RASGRP3: variants seen among roughly 807,000 people sequenced by gnomAD.
The protein encoded by RASGRP3 is RAS guanyl releasing protein 3.
In RASGRP3, 54 loss-of-function variants were observed where a neutral mutation model predicts 82.7. The ratio of observed to expected loss-of-function variants is 0.65; its 90% confidence interval spans 0.52 to 0.82. The LOEUF (loss-of-function observed/expected upper bound fraction) is 0.82, where lower values mean the gene tolerates loss of function less well. Ranked by LOEUF, RASGRP3 falls within the 40% of genes least tolerant of loss-of-function variation. RASGRP3 has a pLI of 0.00. For synonymous variants in RASGRP3, 309 were observed against 300.5 expected, an observed-to-expected ratio of 1.03 and a Z score of -0.29; for missense variants, 861 against 828.9, an observed-to-expected ratio of 1.04 and a Z score of -0.48.
intron 1 of RASGRP3, among the ~76,000 whole-genome samples, chr2:33,507,772 C>T (rs1264766505): frequency 2.0e-5 from 3 of 152,144 alleles, no homozygotes; most frequent in Admixed American, 6.5e-5. Context: ...GTGATCCACC[C>T]GCCACAGCCT....
intron 1 of RASGRP3, among the ~76,000 whole-genome samples, chr2:33,446,469 A>AC (rs1553333122): frequency 7.3e-6 from 1 of 136,082 alleles, no homozygotes; most frequent in African/African-American, 2.8e-5. Flanking sequence ...AAGTAGGGCA[A>AC]TTTTTTTTGG....
chr2:33,498,929 A>G (rs1669591359), intron 1 of RASGRP3, among the ~76,000 whole-genome samples: 1 of 152,168 alleles, frequency 6.6e-6, no homozygotes, highest in East Asian at 1.9e-4. Flanking sequence ...ATAAGTGTTT[A>G]TTCAACAGAC....
intron 2 of RASGRP3, among the ~76,000 whole-genome samples, chr2:33,460,229 T>A (rs1000657407): frequency 6.6e-6 from 1 of 152,148 alleles, no homozygotes; most frequent in Non-Finnish European, 1.5e-5. Flanking sequence ...ATCTATATGA[T>A]TGACTTTGGA....
At chr2:33,486,607 A>G (rs957737478) in intron 1 of RASGRP3, among the ~76,000 whole-genome samples, 1 of 152,262 alleles carries the variant, frequency 6.6e-6, no homozygotes, top group Admixed American at 6.5e-5. Context: ...CTTACAATAC[A>G]TAAATGTATA....
intron 1 of RASGRP3, among the ~76,000 whole-genome samples, chr2:33,505,135 C>CCATCAT (rs762191069): frequency 6.7e-6 from 1 of 148,548 alleles, no homozygotes; most frequent in Non-Finnish European, 1.5e-5. Flanking sequence ...CATATCATCA[C>CCATCAT]CATCATCATC....
chr2:33,525,935 A>T (rs1672519049), intron 9 of RASGRP3, among the ~76,000 whole-genome samples: 1 of 152,188 alleles, frequency 6.6e-6, no homozygotes, highest in Non-Finnish European at 1.5e-5. Context: ...GCCTCTGAAT[A>T]TCGGAGAGTT....
chr2:33,453,621 C>A (rs73926650), intron 2 of RASGRP3, among the ~76,000 whole-genome samples: 1,893 of 152,204 alleles, frequency 0.012, 37 homozygotes, highest in African/African-American at 0.044. Context: ...TTTTTTATGA[C>A]CTTGCCTTGG....
At chr2:33,558,414 G>A in intron 16 of RASGRP3, 78 bp downstream of exon 16, 1 of 1,601,320 alleles carries the variant, frequency 6.2e-7, no homozygotes, top group African/African-American at 1.3e-5. Flanking sequence ...TTAGGTTCTG[G>A]GTCTAAACCC....
chr2:33,549,073 T>C (rs1470536919), intron 13 of RASGRP3, among the ~76,000 whole-genome samples: 1 of 152,096 alleles, frequency 6.6e-6, no homozygotes, highest in Non-Finnish European at 1.5e-5. Flanking sequence ...GTTTGTTCTG[T>C]GTGGAGTAGA....
intron 13 of RASGRP3, 118 bp downstream of exon 13, chr2:33,543,745 T>C: frequency 1.5e-6 from 1 of 682,828 alleles, no homozygotes; most frequent in Non-Finnish European, 2.5e-6. Flanking sequence ...GGTGCTTTGA[T>C]GAGCCAGGTT....
At chr2:33,450,164 A>G (rs555057356) in intron 2 of RASGRP3, among the ~76,000 whole-genome samples, 2 of 152,344 alleles carry the variant, frequency 1.3e-5, no homozygotes, top group African/African-American at 4.8e-5. Flanking sequence ...TGATGTTTTG[A>G]TATATGTATA....
At chr2:33,518,802 A>C (rs1433119768) in intron 4 of RASGRP3, among the ~76,000 whole-genome samples, 1 of 152,186 alleles carries the variant, frequency 6.6e-6, no homozygotes, top group Non-Finnish European at 1.5e-5. Flanking sequence ...GCTCAGGATC[A>C]TCAATATCAC....
At chr2:33,437,083 A>C (rs921335180) in intron 1 of RASGRP3, among the ~76,000 whole-genome samples, 5 of 152,216 alleles carry the variant, frequency 3.3e-5, no homozygotes, top group African/African-American at 7.2e-5. Context: ...AACAAATTTT[A>C]ATACAGGTTT....
At chr2:33,472,512 G>A (rs536386961), upstream of RASGRP3, among the ~76,000 whole-genome samples, 27 of 152,236 alleles carry the variant, frequency 1.8e-4, no homozygotes, top group African/African-American at 6.3e-4. Flanking sequence ...TATGAGGGGC[G>A]GTAAGAGTGC....
intron 2 of RASGRP3, among the ~76,000 whole-genome samples, chr2:33,470,528 C>T (rs11124318): frequency 0.82 from 124,039 of 151,566 alleles, 50,858 homozygotes; most frequent in South Asian, 0.88. Flanking sequence ...TACAGGCGCC[C>T]GCCACCATGC....
At chr2:33,535,831 C>T (rs1673548539) in intron 11 of RASGRP3, among the ~76,000 whole-genome samples, 2 of 152,178 alleles carry the variant, frequency 1.3e-5, no homozygotes. Flanking sequence ...AATTTGTAAG[C>T]CCCTCCCTAA....
At chr2:33,529,977 AAGTTT>A (rs1672953878) in intron 10 of RASGRP3, among the ~76,000 whole-genome samples, 1 of 152,176 alleles carries the variant, frequency 6.6e-6, no homozygotes, top group Non-Finnish European at 1.5e-5. Context: ...GCCAAGAAGA[AAGTTT>A]AGTGCATAGC....
At chr2:33,486,631 A>G (rs1668422104) in intron 1 of RASGRP3, among the ~76,000 whole-genome samples, 1 of 152,366 alleles carries the variant, frequency 6.6e-6, no homozygotes, top group African/African-American at 2.4e-5. Flanking sequence ...TGTAAAAGAG[A>G]ATGTTTCCAA....
chr2:33,537,323 G>GC (rs796724209), intron 11 of RASGRP3, among the ~76,000 whole-genome samples: 9 of 106,072 alleles, frequency 8.5e-5, no homozygotes, highest in East Asian at 4.0e-4. Flanking sequence ...CACACACACC[G>GC]CCCCCCCCAC....
Sources: gnomAD v4.1 joint callset for allele counts (sites outside exome capture counted in the v4.1 genomes callset) on GRCh38, gnomAD v4.1.1 for gene constraint, MANE v1.5 for transcripts, NCBI Gene and HGNC (gene_info 2026-07-23, HGNC 2026-07-21) for gene names.